ACOT6: variants seen among roughly 807,000 people sequenced by gnomAD.
ACOT6 encodes acyl-CoA thioesterase 6.
A neutral mutation model predicts 12.3 loss-of-function variants in ACOT6; 14 were observed. The observed-to-expected ratio is 1.14, with a 90% CI of 0.75 to 1.78. ACOT6 has a LOEUF of 1.78. ACOT6 is among the 40% of genes most tolerant of loss of function. The probability of loss-of-function intolerance (pLI) is 0.00; values close to 1 mark genes in which losing one functional copy is unlikely to be tolerated. For synonymous variants in ACOT6, 218 were observed against 231.3 expected (o/e 0.94, Z 0.52); for missense variants, 523 against 551.8 (o/e 0.95, Z 0.52).
At chr14:73,612,379 T>C, upstream of ACOT6, 1 of 420,638 alleles carries the variant, frequency 2.4e-6, no homozygotes, top group Non-Finnish European at 4.1e-6. Context: ...AGATACTCTT[T>C]CATTTGGGAC....
intron 1 of ACOT6, among the ~76,000 whole-genome samples, chr14:73,613,673 T>C (rs1444119473): frequency 1.3e-5 from 2 of 152,180 alleles, no homozygotes; most frequent in Non-Finnish European, 2.9e-5. Flanking sequence ...GGAGAGGTGC[T>C]ATTGGCATCT....
rs1316960886 is a variant in ACOT6 at position 73,619,201 on chromosome 14, T to C, written c.661-33T>C. ...GTCTGTGTCCTCCATTTATGAATTCTAAGCTTGTTTTCCTTCTCTTTTTCC... is the reference window on the plus strand; with the variant it reads ...GTCTGTGTCCTCCATTTATGAATTCCAAGCTTGTTTTCCTTCTCTTTTTCC... On this transcript the variant is annotated intron_variant, in intron 2 of 2. Coordinates refer to ENST00000645972, the MANE Select transcript of ACOT6 (RefSeq NM_001365788.1). The C allele has an allele frequency of 9.8e-6, 15 of 1,526,750 alleles. No homozygotes were observed. In the African/African-American group the frequency reaches 1.8e-4, roughly 18 times the overall value. The allele number at this position is 1,526,750 out of a possible 1,614,324, so 94.6% of individuals were successfully genotyped here. A position where few individuals can be genotyped will look rare whatever the true frequency, so the allele number is the denominator to read the frequency against.
In ACOT6 at chr14:73,612,769, C is replaced by A. The variant is rs1890469058; in HGVS notation, c.198C>A (p.Pro66=). The change falls in exon 1 of 3, where the codon CCC becomes CCA. Residue 66 remains proline (P), a synonymous_variant. Transcript: ENST00000645972. ...ARDELDLERA[P]ALGGSFAGLQ... The stretch of plus-strand genomic sequence containing the variant: ...ACGAGCTGGACCTGGAGCGCGCGCC[C>A]GCGCTGGGAGGCAGCTTCGCGGGGC... 10 of 1,371,770 alleles carry A rather than the reference C, an allele frequency of 7.3e-6. 1 individual carries two copies. In the East Asian group the frequency reaches 2.5e-4, roughly 34 times the overall value. The allele number at this position is 1,371,770 out of a possible 1,614,324, so 85.0% of individuals were successfully genotyped here.
chr14:73,612,614 T>C lies in ACOT6; in HGVS notation c.43T>C (p.Trp15Arg), dbSNP rs986558165. 55 of 1,421,054 alleles carry C rather than the reference T, an allele frequency of 3.9e-5. No homozygotes were observed. The highest frequency in any genetic ancestry group is 4.7e-5 in the Non-Finnish European group (51 of 1,083,288). The allele number at this position is 1,421,054 out of a possible 1,614,324, so 88.0% of individuals were successfully genotyped here. ...LILEPAGRCC[W>R]DEPLRIAVRG... ...CCTGGAGCCCGCGGGCCGCTGCTGCTGGGACGAGCCGCTGCGCATCGCAGT... is the reference window on the plus strand; with the variant it reads ...CCTGGAGCCCGCGGGCCGCTGCTGCCGGGACGAGCCGCTGCGCATCGCAGT... The change falls in exon 1 of 3, where the codon TGG becomes CGG. Residue 15 changes from tryptophan to arginine, a missense_variant. Physicochemically the swap from Trp to Arg is moderately radical, Grantham distance 101 (BLOSUM62 -3). Around this residue, in one of 2 missense-constraint regions of ACOT6, gnomAD observed 304 missense variants for 274.8 expected, o/e 1.11. Coordinates refer to ENST00000645972, the MANE Select transcript of ACOT6 (RefSeq NM_001365788.1).
chr14:73,612,438 C>T (rs1890458028), upstream of ACOT6: 1 of 555,396 alleles, frequency 1.8e-6, no homozygotes, highest in Non-Finnish European at 2.8e-6. Flanking sequence ...CGGCCTGGAG[C>T]CTGTCCCCAA....
In ACOT6 at chr14:73,619,805, A is replaced by G. The variant is rs1405037318; in HGVS notation, c.1232A>G (p.Asn411Ser). 2 of 1,608,962 alleles carry G rather than the reference A, an allele frequency of 1.2e-6. No individual in the cohort carries two copies. Among genetic ancestry groups the G allele is most frequent in the Admixed American group, 3.4e-5 (2 of 58,616 alleles). The change falls in exon 3 of 3, where the codon AAT becomes AGT. Residue 411 changes from asparagine to serine, a missense_variant. By Grantham distance (46) the Asn-to-Ser change is conservative. Coordinates refer to ENST00000645972, the MANE Select transcript of ACOT6 (RefSeq NM_001365788.1). ...CAAACTTTCTTCCATAAACATCTCA[A>G]TGGTAAAAAATCTGTCAAGCACAGC... ...QIQTFFHKHL[N>S]GKKSVKHSKI
In ACOT6 at chr14:73,614,145, G is replaced by A. The variant is rs143770772; in HGVS notation, c.461+1113G>A. On this transcript the variant is annotated intron_variant, in intron 1 of 2. Transcript: ENST00000645972. ...GATATCAGGAAGTAGAGGTTGCAGT[G>A]AGCTGAGATCACGCCACTGCATTCC... Among the ~76,000 whole-genome samples, 291 of 151,970 alleles carry A rather than the reference G, an allele frequency of 1.9e-3. 3 individuals carry two copies. Among genetic ancestry groups the A allele is most frequent in the Middle Eastern group, 0.01 (3 of 294 alleles).
At chr14:73,618,164 C>T (rs1429039520) in intron 2 of ACOT6, among the ~76,000 whole-genome samples, 1 of 151,992 alleles carries the variant, frequency 6.6e-6, no homozygotes, top group Non-Finnish European at 1.5e-5. Context: ...CCAACAACAA[C>T]AACGACAACA....
upstream of ACOT6, chr14:73,611,002 C>T (rs1890438311): frequency 6.6e-6 from 1 of 152,170 alleles, no homozygotes. Flanking sequence ...GACTGGTTTC[C>T]AATGATTCTT....
At chr14:73,617,578 A>C (rs1025840579) in intron 2 of ACOT6, among the ~76,000 whole-genome samples, 2 of 152,216 alleles carry the variant, frequency 1.3e-5, no homozygotes, top group Non-Finnish European at 2.9e-5. Flanking sequence ...GGACTAAAAA[A>C]AGTTCCAGCT....
At chr14:73,613,683 T>C (rs141141574) in intron 1 of ACOT6, among the ~76,000 whole-genome samples, 42 of 152,298 alleles carry the variant, frequency 2.8e-4, no homozygotes, top group African/African-American at 9.9e-4. Context: ...TATTGGCATC[T>C]AGCAGGCAGA....
At chr14:73,614,682 G>A (rs921058201) in intron 1 of ACOT6, among the ~76,000 whole-genome samples, 1 of 151,032 alleles carries the variant, frequency 6.6e-6, no homozygotes, top group East Asian at 1.9e-4. Context: ...GGGAGGCTGA[G>A]GTTGCAGTGA....
chr14:73,612,609 G>T lies in ACOT6; in HGVS notation c.38G>T (p.Cys13Phe). 7.0e-7 allele frequency: 1 copy of T among 1,418,700 alleles called. No individual in the cohort carries two copies. 87.9% of individuals were successfully genotyped at this position (1,418,700 alleles called of 1,614,324 possible). A position where few individuals can be genotyped will look rare whatever the true frequency, so the allele number is the denominator to read the frequency against. ...ATLILEPAGR[C>F]CWDEPLRIAV... ...CTGATCCTGGAGCCCGCGGGCCGCT[G>T]CTGCTGGGACGAGCCGCTGCGCATC... is the stretch of plus-strand genomic sequence containing the variant. The change falls in exon 1 of 3, where the codon TGC becomes TTC. Residue 13 changes from cysteine (C) to phenylalanine (F), a missense_variant. This residue lies in a region of ACOT6 where 304 missense variants were observed against 274.8 expected (regional missense o/e 1.11). Transcript: ENST00000645972.
At chr14:73,617,238 T>A in intron 2 of ACOT6, 46 bp downstream of exon 2, 1 of 1,613,268 alleles carries the variant, frequency 6.2e-7, no homozygotes, top group Non-Finnish European at 8.5e-7. Flanking sequence ...GGGATAGAGC[T>A]GATGCAGGGC....
chr14:73,619,342 T>C lies in ACOT6; in HGVS notation c.769T>C (p.Cys257Arg). 1.2e-6 allele frequency: 2 copies of C among 1,614,216 alleles called. No homozygotes were observed. Among genetic ancestry groups the C allele is most frequent in the Non-Finnish European group, 1.7e-6 (2 of 1,180,046 alleles). ...GITATVLINA[C>R]VANTVAPLHY... ...CACAGCCACTGTACTTATCAATGCC[T>C]GTGTAGCCAACACAGTAGCTCCTCT... is the stretch of plus-strand genomic sequence containing the variant. Residue 257 changes from cysteine to arginine, a missense_variant, in exon 3 of 3, where the codon TGT becomes CGT. Around this residue, in one of 2 missense-constraint regions of ACOT6, gnomAD observed 219 missense variants for 277.0 expected, o/e 0.79. Transcript: ENST00000645972.
intron 1 of ACOT6, among the ~76,000 whole-genome samples, chr14:73,613,372 G>C (rs999777521): frequency 6.6e-6 from 1 of 152,102 alleles, no homozygotes; most frequent in Non-Finnish European, 1.5e-5. Flanking sequence ...TTTATTGAGA[G>C]CCACTATGTG....
At chr14:73,613,097 C>A in intron 1 of ACOT6, 65 bp downstream of exon 1, 1 of 533,980 alleles carries the variant, frequency 1.9e-6, no homozygotes, top group Non-Finnish European at 3.2e-6. Flanking sequence ...TCCTGGGAAT[C>A]GCGTGATTGT....
chr14:73,619,869 TAAA>T lies in ACOT6; in HGVS notation c.*33_*35del. ...GTAGCCACAGACCAGATACCATTAA[TAAA>T]AATCCTATTCATACAACTTGTGTTG... On this transcript the variant is annotated 3_prime_UTR_variant, in exon 3 of 3. Coordinates refer to ENST00000645972, the MANE Select transcript of ACOT6 (RefSeq NM_001365788.1). The T allele has an allele frequency of 6.5e-7, 1 of 1,528,544 alleles. No individual in the cohort carries two copies. Among genetic ancestry groups the T allele is most frequent in the African/African-American group, 1.4e-5 (1 of 71,834 alleles). The allele number at this position is 1,528,544 out of a possible 1,614,324, so 94.7% of individuals were successfully genotyped here.
At chr14:73,612,057 T>A (rs1890452638), upstream of ACOT6, among the ~76,000 whole-genome samples, 1 of 152,122 alleles carries the variant, frequency 6.6e-6, no homozygotes, top group Non-Finnish European at 1.5e-5. Context: ...TTTTTTTTTT[T>A]TTAGACGGAG....
Sources: gnomAD v4.1 joint callset for allele counts (sites outside exome capture counted in the v4.1 genomes callset) on GRCh38, gnomAD v4.1.1 for gene constraint, gnomAD v4.1.1 regional missense constraint, MANE v1.5 for transcripts, NCBI Gene and HGNC (gene_info 2026-07-23, HGNC 2026-07-21) for gene names.